Variants in PDE4D observed in about 807,000 individuals in gnomAD.
PDE4D encodes the protein 3',5'-cyclic-AMP phosphodiesterase 4D.
PDE4D carries 24 observed loss-of-function variants against 87.4 expected under a neutral mutation model. That is an observed-to-expected ratio of 0.27 (90% CI 0.20 to 0.39). The LOEUF (loss-of-function observed/expected upper bound fraction) is 0.39. Among genes scored for constraint, PDE4D ranks in the 10% least tolerant of loss-of-function variants. The probability of loss-of-function intolerance (pLI) is 1.00; values close to 1 mark genes in which losing one functional copy is unlikely to be tolerated. For synonymous variants in PDE4D, 384 were observed against 383.2 expected (o/e 1.00, Z -0.02); for missense variants, 714 against 1,041.0 (o/e 0.69, Z 4.32).
intron 2 of PDE4D, among the ~76,000 whole-genome samples, chr5:60,143,061 G>A (rs540929722): frequency 3.7e-4 from 57 of 152,276 alleles, no homozygotes; most frequent in African/African-American, 1.3e-3. Flanking sequence ...AAGATGTCCT[G>A]GATTTGGGCA....
rs1338731940 is a variant in PDE4D at position 59,053,645 on chromosome 5, G to GTTTTTTTTTTT, written c.809-14675_809-14674insAAAAAAAAAAA. Among the ~76,000 whole-genome samples the GTTTTTTTTTTT allele has an allele frequency of 3.9e-4, 27 of 68,794 alleles. No homozygotes were observed. The South Asian group carries it at 4.0e-3, about 10-fold the overall frequency. 45.1% of individuals were successfully genotyped at this position (68,794 alleles called of 152,430 possible). ...TATGAATTAAGTTGTTTTGTTTTTTGTTTTTTTTTGTTGTTGTTTTTTTTT... is the reference window on the plus strand; with the variant it reads ...TATGAATTAAGTTGTTTTGTTTTTTGTTTTTTTTTTTTTTTTTTTTGTTGTTGTTTTTTTTT... On this transcript the variant is annotated intron_variant, in intron 5 of 14. Transcript: ENST00000340635.
chr5:59,253,142 G>C (rs549375266), intron 1 of PDE4D, among the ~76,000 whole-genome samples: 38 of 151,988 alleles, frequency 2.5e-4, no homozygotes, highest in Non-Finnish European at 4.9e-4. Flanking sequence ...AAAATTCTTT[G>C]TTAACTCTGT....
rs764698417 is a variant in PDE4D, at chr5:59,497,011, T to C, written c.456-281043A>G. On this transcript the variant is annotated intron_variant, in intron 1 of 14. Coordinates refer to ENST00000340635, the MANE Select transcript of PDE4D (RefSeq NM_001104631.2). ...CCTGAATTACACTACAAAACAAAAT[T>C]ACATCACTACAAGAAGCAACGTCTC... Among the ~76,000 whole-genome samples the C allele has an allele frequency of 1.7e-4, 26 of 151,996 alleles. 1 individual carries two copies. Among genetic ancestry groups the C allele is most frequent in the Non-Finnish European group, 5.9e-5 (4 of 67,996 alleles).
rs35050580 is a variant in PDE4D, at chr5:59,081,518, T to TAAAAAAAAAAAAAAAAA, written c.809-42548_809-42547insTTTTTTTTTTTTTTTTT. Among the ~76,000 whole-genome samples, 90 of 135,090 alleles carry TAAAAAAAAAAAAAAAAA rather than the reference T, an allele frequency of 6.7e-4. 2 individuals carry two copies. The highest frequency in any genetic ancestry group is 2.0e-3 in the East Asian group (9 of 4,582). The allele number at this position is 135,090 out of a possible 152,430, so 88.6% of individuals were successfully genotyped here. A position where few individuals can be genotyped will look rare whatever the true frequency, so the allele number is the denominator to read the frequency against. On this transcript the variant is annotated intron_variant, in intron 5 of 14. Coordinates refer to ENST00000340635, the MANE Select transcript of PDE4D (RefSeq NM_001104631.2). ...ACCTCATGACCAGGAAGTAATCAGG[T>TAAAAAAAAAAAAAAAAA]AAAAAAAAAAAAGAAAAAAAGTGGG...
chr5:59,114,975 A>T (rs1018685402), intron 5 of PDE4D, among the ~76,000 whole-genome samples: 2 of 152,128 alleles, frequency 1.3e-5, no homozygotes, highest in African/African-American at 4.8e-5. Context: ...CTGATGGAAG[A>T]TACAGGATCA....
intron 1 of PDE4D, among the ~76,000 whole-genome samples, chr5:59,683,213 G>A (rs1424726175): frequency 2.0e-5 from 3 of 152,102 alleles, no homozygotes; most frequent in African/African-American, 7.2e-5. Context: ...GTGTGTATGG[G>A]TAGACGGATA....
At chr5:60,236,175 T>C (rs1424459452) in intron 1 of PDE4D, among the ~76,000 whole-genome samples, 1 of 151,868 alleles carries the variant, frequency 6.6e-6, no homozygotes. Context: ...TAGGACTTAG[T>C]GCTTGGTGAT....
chr5:59,885,306 T>C (rs968647078), intron 1 of PDE4D, among the ~76,000 whole-genome samples: 3 of 152,268 alleles, frequency 2.0e-5, no homozygotes, highest in Admixed American at 6.5e-5. Context: ...ACTATCCTTA[T>C]ATTTAAATTA....
At chr5:59,849,305 T>C (rs890524419) in intron 1 of PDE4D, among the ~76,000 whole-genome samples, 1 of 152,066 alleles carries the variant, frequency 6.6e-6, no homozygotes. Flanking sequence ...GAAACTGTTT[T>C]ATTTTATATG....
At chr5:60,420,199 A>T (rs1336803046) in intron 1 of PDE4D, among the ~76,000 whole-genome samples, 2 of 152,194 alleles carry the variant, frequency 1.3e-5, no homozygotes, top group African/African-American at 4.8e-5. Context: ...AATAAATACT[A>T]CTTTGACACC....
intron 1 of PDE4D, among the ~76,000 whole-genome samples, chr5:60,303,862 C>A (rs1202981765): frequency 1.3e-5 from 2 of 152,142 alleles, no homozygotes; most frequent in African/African-American, 4.8e-5. Context: ...AATTTTCTGT[C>A]TCAATGATCT....
At chr5:59,836,146 A>G (rs73092839) in intron 1 of PDE4D, among the ~76,000 whole-genome samples, 14,162 of 152,000 alleles carry the variant, frequency 0.093, 2,057 homozygotes, top group African/African-American at 0.31. Flanking sequence ...AGTGGGAGGT[A>G]TGTGTTCATC....
chr5:59,842,143 A>G (rs553638182), intron 1 of PDE4D, among the ~76,000 whole-genome samples: 5 of 151,998 alleles, frequency 3.3e-5, no homozygotes, highest in Non-Finnish European at 7.4e-5. Context: ...GGGGTTGTTA[A>G]GGTGCTTCAA....
intron 2 of PDE4D, among the ~76,000 whole-genome samples, chr5:60,019,454 G>T (rs538964574): frequency 6.6e-5 from 10 of 152,336 alleles, no homozygotes; most frequent in Admixed American, 1.3e-4. Flanking sequence ...CTCTTCCAAT[G>T]TAAGGCTGTT....
intron 1 of PDE4D, among the ~76,000 whole-genome samples, chr5:59,633,934 A>T (rs1208929750): frequency 2.6e-5 from 4 of 152,334 alleles, no homozygotes; most frequent in African/African-American, 9.6e-5. Flanking sequence ...ATTAAATGGC[A>T]CAGGCTGGCA....
chr5:60,068,973 T>C (rs1772420254), intron 2 of PDE4D, among the ~76,000 whole-genome samples: 1 of 152,228 alleles, frequency 6.6e-6, no homozygotes, highest in African/African-American at 2.4e-5. Context: ...CTAGTAGTTT[T>C]ATAGTCTTGG....
chr5:59,906,978 C>A (rs1752893474), intron 3 of PDE4D, among the ~76,000 whole-genome samples: 1 of 152,114 alleles, frequency 6.6e-6, no homozygotes, highest in African/African-American at 2.4e-5. Context: ...TGGAATTAAC[C>A]TAAATGCCTG....
intron 6 of PDE4D, among the ~76,000 whole-genome samples, chr5:59,035,380 T>G (rs1401145885): frequency 6.6e-6 from 1 of 152,204 alleles, no homozygotes; most frequent in Non-Finnish European, 1.5e-5. Flanking sequence ...TAAATATAAT[T>G]TAAGCATTTT....
At chr5:59,476,941 T>C (rs1803378771) in intron 1 of PDE4D, among the ~76,000 whole-genome samples, 1 of 151,982 alleles carries the variant, frequency 6.6e-6, no homozygotes, top group Non-Finnish European at 1.5e-5. Context: ...TAATTGAATC[T>C]CATAAGTTTC....
Sources: allele counts gnomAD v4.1 joint callset (sites outside exome capture counted in the v4.1 genomes callset), GRCh38; gene constraint gnomAD v4.1.1; transcripts MANE v1.5; gene names NCBI Gene and HGNC (gene_info 2026-07-23, HGNC 2026-07-21).